ARHGEF10: variants seen among roughly 807,000 people sequenced by gnomAD.
ARHGEF10 encodes Rho guanine nucleotide exchange factor (GEF) 10.
In ARHGEF10, 140 loss-of-function variants were observed where a neutral mutation model predicts 147.4. The ratio of observed to expected loss-of-function variants is 0.95; its 90% CI spans 0.83 to 1.09. The LOEUF (loss-of-function observed/expected upper bound fraction) is 1.09, where lower values mean the gene tolerates loss of function less well. Ranked by LOEUF, ARHGEF10 falls within the 50% of genes least tolerant of loss-of-function variation. The pLI is 0.00. For synonymous variants in ARHGEF10, 902 were observed against 695.8 expected (o/e 1.30, Z -4.67); for missense variants, 2,222 against 1,752.7 (o/e 1.27, Z -4.78).
intron 7 of ARHGEF10, among the ~76,000 whole-genome samples, chr8:1,873,391 GGA>G (rs1807301179): frequency 6.6e-6 from 1 of 152,062 alleles, no homozygotes; most frequent in Admixed American, 6.5e-5. Context: ...AAAAGCAAGA[GGA>G]GAAAGTCACA....
At chr8:1,858,215 A>ATGTGG in intron 3 of ARHGEF10, 100 bp downstream of exon 3, 9 of 1,032,432 alleles carry the variant, frequency 8.7e-6, no homozygotes, top group Non-Finnish European at 1.2e-5. Flanking sequence ...TTCCCAGGTG[A>ATGTGG]GTCCCCAGGT....
chr8:1,886,053 T>G (rs1278960188), intron 11 of ARHGEF10, among the ~76,000 whole-genome samples: 1 of 152,114 alleles, frequency 6.6e-6, no homozygotes, highest in East Asian at 1.9e-4. Context: ...AGACAGAGTG[T>G]GGGTTTGTAT....
chr8:1,928,722 C>T, intron 24 of ARHGEF10, 72 bp downstream of exon 24: 1 of 1,535,494 alleles, frequency 6.5e-7, no homozygotes, highest in South Asian at 1.1e-5. Context: ...GGAGCCTGTC[C>T]TGGAAAGAGT....
At chr8:1,835,098 C>A (rs1341884090) in intron 1 of ARHGEF10, among the ~76,000 whole-genome samples, 1 of 152,266 alleles carries the variant, frequency 6.6e-6, no homozygotes, top group Non-Finnish European at 1.5e-5. Context: ...CTGGGACATC[C>A]CACGCTCCTG....
intron 7 of ARHGEF10, chr8:1,870,401 T>C (rs1307922934): frequency 6.6e-6 from 1 of 152,148 alleles, no homozygotes; most frequent in Admixed American, 6.5e-5. Context: ...GCAAATCATA[T>C]GAGAAAAGAC....
At chr8:1,845,764 C>T (rs536887326) in intron 2 of ARHGEF10, among the ~76,000 whole-genome samples, 1 of 152,350 alleles carries the variant, frequency 6.6e-6, no homozygotes, top group Admixed American at 6.5e-5. Flanking sequence ...CACCCATGGT[C>T]TCCACGACCA....
intron 18 of ARHGEF10, 36 bp downstream of exon 18, chr8:1,909,506 G>A: frequency 6.2e-7 from 1 of 1,611,640 alleles, no homozygotes; most frequent in South Asian, 1.1e-5. Context: ...GTGCCGTGGG[G>A]CCAGGGTAAC....
chr8:1,842,950 C>T (rs1299588757), intron 1 of ARHGEF10, among the ~76,000 whole-genome samples: 3 of 152,152 alleles, frequency 2.0e-5, no homozygotes, highest in Non-Finnish European at 2.9e-5. Context: ...GTGGAGAGGG[C>T]CGTCAGCGCC....
At chr8:1,837,277 C>T (rs61560833) in intron 1 of ARHGEF10, among the ~76,000 whole-genome samples, 36,170 of 152,134 alleles carry the variant, frequency 0.24, 4,493 homozygotes, top group African/African-American at 0.31. Flanking sequence ...GGGGCATGCT[C>T]TCTGCACAGG....
chr8:1,888,213 C>T (rs4875802), intron 11 of ARHGEF10, among the ~76,000 whole-genome samples: 3,427 of 26,084 alleles, frequency 0.13, 721 homozygotes, highest in African/African-American at 0.4. Flanking sequence ...CTTAGTGGGG[C>T]GAGGGTTGCG....
chr8:1,889,835 A>G (rs568858463), intron 11 of ARHGEF10, among the ~76,000 whole-genome samples: 110 of 116,860 alleles, frequency 9.4e-4, no homozygotes, highest in African/African-American at 3.6e-3. Flanking sequence ...AGAAGACACT[A>G]GGTGGGGTGA....
chr8:1,957,354 C>A lies in ARHGEF10; in HGVS notation c.*91C>A. On this transcript the variant is annotated 3_prime_UTR_variant, in exon 29 of 29. Coordinates refer to ENST00000349830, the MANE Select transcript of ARHGEF10 (RefSeq NM_014629.4). ...CCTGAGTGGTTAAGCTGTGTCTACA[C>A]TGGTTGGGAATAAATTAAAAACAGT... The A allele has an allele frequency of 6.6e-7, 1 of 1,518,442 alleles. No individual in the cohort carries two copies. The highest frequency in any genetic ancestry group is 2.4e-5 in the East Asian group (1 of 41,760). The allele number at this position is 1,518,442 out of a possible 1,614,324, so 94.1% of individuals were successfully genotyped here. A position where few individuals can be genotyped will look rare whatever the true frequency, so the allele number is the denominator to read the frequency against.
chr8:1,836,413 GC>G (rs1348460656), intron 1 of ARHGEF10, among the ~76,000 whole-genome samples: 1 of 152,094 alleles, frequency 6.6e-6, no homozygotes, highest in Non-Finnish European at 1.5e-5. Flanking sequence ...CCCCAGCCCA[GC>G]CCCACCATTG....
At position 1,923,867 on chromosome 8, in the gene ARHGEF10, C is replaced by T. The variant is rs142592407; in HGVS notation, c.2481C>T (p.Leu827=). Residue 827 remains leucine (L), a synonymous_variant, in exon 21 of 29, where the codon CTC becomes CTT. Coordinates refer to ENST00000349830, the MANE Select transcript of ARHGEF10 (RefSeq NM_014629.4). ...SWVNSLQMAK[L]ALEEENHMGW... ...TCAACAGCTTACAGATGGCCAAGCTCGCCCTAGGTAAGGCCTGGCTGGCTG... is the reference window on the plus strand; with the variant it reads ...TCAACAGCTTACAGATGGCCAAGCTTGCCCTAGGTAAGGCCTGGCTGGCTG... 27 of 1,613,932 alleles carry T rather than the reference C, an allele frequency of 1.7e-5. No individual in the cohort carries two copies. The African/African-American group carries it at 2.4e-4, about 14-fold the overall frequency.
At chr8:1,943,888 C>T (rs1288443420) in intron 26 of ARHGEF10, 1 of 151,816 alleles carries the variant, frequency 6.6e-6, no homozygotes, top group Non-Finnish European at 1.5e-5. Flanking sequence ...ACGGCTGACT[C>T]TAGAATGGGC....
intron 1 of ARHGEF10, among the ~76,000 whole-genome samples, chr8:1,833,754 G>A (rs1023544526): frequency 3.3e-5 from 5 of 152,166 alleles, no homozygotes; most frequent in Non-Finnish European, 7.4e-5. Context: ...TGCAGATCCC[G>A]GCCCCACTGC....
intron 9 of ARHGEF10, among the ~76,000 whole-genome samples, chr8:1,881,360 G>A (rs1309125479): frequency 3.3e-5 from 5 of 152,114 alleles, no homozygotes; most frequent in Non-Finnish European, 7.3e-5. Flanking sequence ...CCTGAACGGC[G>A]CTGGCTGAAA....
chr8:1,860,175 G>C lies in ARHGEF10; in HGVS notation c.472G>C (p.Asp158His). The C allele has an allele frequency of 6.2e-7, 1 of 1,612,560 alleles. No homozygotes were observed. Among genetic ancestry groups the C allele is most frequent in the African/African-American group, 1.3e-5 (1 of 74,648 alleles). ...SPVIICATSLDEEETPEVTED... is the reference protein window; with the variant it reads ...SPVIICATSLHEEETPEVTED... Reference sequence around the variant, plus strand: ...GGTCATCATCTGCGCCACGTCCCTGGACGAAGAAGGTACTGCTACCCTCCT... The same window carrying C: ...GGTCATCATCTGCGCCACGTCCCTGCACGAAGAAGGTACTGCTACCCTCCT... The change falls in exon 4 of 29, where the codon GAC (aspartate) becomes CAC (histidine). Residue 158 changes from aspartate (D) to histidine (H), a missense_variant. Asp to His is a moderately conservative substitution (Grantham distance 81). Coordinates refer to ENST00000349830, the MANE Select transcript of ARHGEF10 (RefSeq NM_014629.4).
chr8:1,827,878 CG>C (rs1563142277), intron 1 of ARHGEF10, among the ~76,000 whole-genome samples: 1 of 152,044 alleles, frequency 6.6e-6, no homozygotes, highest in African/African-American at 2.4e-5. Flanking sequence ...GTGACTGGTG[CG>C]GGGGCCCTTG....
Sources: allele counts gnomAD v4.1 joint callset (sites outside exome capture counted in the v4.1 genomes callset), GRCh38; gene constraint gnomAD v4.1.1; transcripts MANE v1.5; gene names NCBI Gene and HGNC (gene_info 2026-07-23, HGNC 2026-07-21).